The following TBC1D22B variants were observed in gnomAD, a reference collection of about 807,000 sequenced individuals.
TBC1D22B encodes the protein TBC1 domain family member 22B, also known as chromosome 6 open reading frame 197.
TBC1D22B carries 32 observed loss-of-function variants against 69.1 expected under a neutral mutation model. The ratio of observed to expected loss-of-function variants is 0.46; its 90% CI spans 0.35 to 0.62. The LOEUF is 0.62. Among genes scored for constraint, TBC1D22B ranks in the 20% least tolerant of loss-of-function variants. The probability of loss-of-function intolerance (pLI) is 0.00; values close to 1 mark genes in which losing one functional copy is unlikely to be tolerated. For synonymous variants in TBC1D22B, 206 were observed against 229.8 expected, an observed-to-expected ratio of 0.90 and a Z score of 0.94; for missense variants, 462 against 630.9, an observed-to-expected ratio of 0.73 and a Z score of 2.87.
chr6:37,305,812 G>A (rs1210600173), intron 8 of TBC1D22B, among the ~76,000 whole-genome samples: 1 of 152,160 alleles, frequency 6.6e-6, no homozygotes, highest in Non-Finnish European at 1.5e-5. Context: ...CAGCCACCGC[G>A]CCCGGTCAGT....
rs751520700 is a variant in TBC1D22B at position 37,284,381 on chromosome 6, C to T, written c.718C>T (p.Arg240Trp). 11 of 1,613,310 alleles carry T rather than the reference C, an allele frequency of 6.8e-6. No individual in the cohort carries two copies. The highest frequency in any genetic ancestry group is 1.1e-5 in the South Asian group (1 of 90,946). ...NTERRKLTLQ[R>W]KREEYFGFIE... is the part of the protein sequence containing the mutation. The stretch of plus-strand genomic sequence containing the variant: ...TGAGAGGAGGAAGTTGACCCTGCAG[C>T]GGAAGCGGGAGGAATATTTTGGCTT... Residue 240 changes from arginine to tryptophan, a missense_variant, in exon 6 of 13, where the codon CGG becomes TGG. Around this residue, in one of 2 missense-constraint regions of TBC1D22B, gnomAD observed 225 missense variants for 375.4 expected, o/e 0.60. Transcript: ENST00000373491.
At chr6:37,293,051 T>G (rs1767237179) in intron 8 of TBC1D22B, among the ~76,000 whole-genome samples, 1 of 151,882 alleles carries the variant, frequency 6.6e-6, no homozygotes, top group Admixed American at 6.6e-5. Context: ...CTCACAGTAT[T>G]TTTAACTTTT....
chr6:37,330,190 T>G (rs1768539728), intron 12 of TBC1D22B, among the ~76,000 whole-genome samples: 1 of 151,620 alleles, frequency 6.6e-6, no homozygotes, highest in Non-Finnish European at 1.5e-5. Flanking sequence ...ACCTTTTATC[T>G]TCTATAGATG....
chr6:37,288,182 T>A (rs573882681), intron 7 of TBC1D22B, among the ~76,000 whole-genome samples: 1 of 152,282 alleles, frequency 6.6e-6, no homozygotes, highest in East Asian at 1.9e-4. Flanking sequence ...ACTGGTGGGG[T>A]CCCTCATGTC....
rs142915803 is a variant in TBC1D22B at position 37,273,028 on chromosome 6, G to A, written c.113+3378G>A. On this transcript the variant is annotated intron_variant, in intron 2 of 12. Transcript: ENST00000373491. ...TGGCCAATCAAAGAAAGTCTCCTGG[G>A]GGAGGGTTCTTGGAAAGATTTTCTT... Among the ~76,000 whole-genome samples the A allele has an allele frequency of 5.9e-5, 9 of 152,230 alleles. No homozygotes were observed. The East Asian group carries it at 1.7e-3, about 29-fold the overall frequency.
At chr6:37,321,247 A>G (rs1474158472) in intron 12 of TBC1D22B, among the ~76,000 whole-genome samples, 1 of 151,828 alleles carries the variant, frequency 6.6e-6, no homozygotes, top group Non-Finnish European at 1.5e-5. Flanking sequence ...AGTGAGTGAT[A>G]GAGGCCTGGA....
At chr6:37,306,003 T>A (rs2113772149) in intron 8 of TBC1D22B, among the ~76,000 whole-genome samples, 1 of 152,224 alleles carries the variant, frequency 6.6e-6, no homozygotes, top group East Asian at 1.9e-4. Context: ...GCCTCCCATG[T>A]GATAGGCAGC....
At chr6:37,299,053 A>C (rs1767484140) in intron 8 of TBC1D22B, among the ~76,000 whole-genome samples, 1 of 152,248 alleles carries the variant, frequency 6.6e-6, no homozygotes. Flanking sequence ...AAATGTGTGG[A>C]TGCACTTTTC....
At chr6:37,277,094 G>A (rs1215762260) in intron 2 of TBC1D22B, among the ~76,000 whole-genome samples, 1 of 152,016 alleles carries the variant, frequency 6.6e-6, no homozygotes, top group Non-Finnish European at 1.5e-5. Flanking sequence ...GTCCTGGTGT[G>A]CGTGTGTGTC....
intron 10 of TBC1D22B, 98 bp downstream of exon 10, chr6:37,313,989 C>A: frequency 8.9e-7 from 1 of 1,119,940 alleles, no homozygotes; most frequent in Non-Finnish European, 1.4e-6. Context: ...GTCTTCCTAG[C>A]CATGACCCTT....
chr6:37,300,819 A>C (rs1402392830), intron 8 of TBC1D22B, among the ~76,000 whole-genome samples: 1 of 152,202 alleles, frequency 6.6e-6, no homozygotes, highest in East Asian at 1.9e-4. Flanking sequence ...TGATAAGAGC[A>C]CTTAACATGA....
intron 7 of TBC1D22B, among the ~76,000 whole-genome samples, chr6:37,288,202 G>A (rs1376613419): frequency 6.6e-6 from 1 of 152,116 alleles, no homozygotes; most frequent in African/African-American, 2.4e-5. Flanking sequence ...CTTACCCATA[G>A]CATAAAGAAG....
chr6:37,292,684 C>T (rs1425456181), intron 8 of TBC1D22B, among the ~76,000 whole-genome samples: 1 of 152,194 alleles, frequency 6.6e-6, no homozygotes, highest in Non-Finnish European at 1.5e-5. Context: ...TAAATGCTGT[C>T]ATGAAATCTT....
At chr6:37,261,688 A>G (rs1269385007) in intron 1 of TBC1D22B, among the ~76,000 whole-genome samples, 1 of 152,128 alleles carries the variant, frequency 6.6e-6, no homozygotes, top group Non-Finnish European at 1.5e-5. Context: ...CGATGATAGT[A>G]GCTATCATTT....
intron 12 of TBC1D22B, 144 bp from the exon 13 acceptor site, chr6:37,330,900 T>G: frequency 1.3e-6 from 1 of 794,338 alleles, no homozygotes; most frequent in Non-Finnish European, 2.1e-6. Flanking sequence ...CTGTGTACTG[T>G]TTGGGAGGAA....
intron 8 of TBC1D22B, among the ~76,000 whole-genome samples, chr6:37,296,835 G>T (rs200624853): frequency 2.8e-5 from 1 of 36,020 alleles, no homozygotes; most frequent in Admixed American, 3.5e-4. Flanking sequence ...ATAATTTTTT[G>T]GTTTTTTTTT....
At chr6:37,272,943 T>C (rs890117012) in intron 2 of TBC1D22B, among the ~76,000 whole-genome samples, 2 of 152,194 alleles carry the variant, frequency 1.3e-5, no homozygotes, top group African/African-American at 4.8e-5. Flanking sequence ...CTTAAACCTT[T>C]CATGATAATT....
rs1352040416 is a variant in TBC1D22B, at chr6:37,312,963, T to C, written c.1028T>C (p.Met343Thr). Reference sequence around the variant, plus strand: ...GACGTGACCAACTTGTCTCAAGACATGCTGCGAAGCATTGAGGCTGACAGC... The same window carrying C: ...GACGTGACCAACTTGTCTCAAGACACGCTGCGAAGCATTGAGGCTGACAGC... ...NFDVTNLSQDMLRSIEADSFW... is the reference protein window; with the variant it reads ...NFDVTNLSQDTLRSIEADSFW... Residue 343 changes from methionine (M) to threonine (T), a missense_variant, in exon 9 of 13, where the codon ATG becomes ACG. By Grantham distance (81) the Met-to-Thr change is moderately conservative (BLOSUM62 -1). Coordinates refer to ENST00000373491, the MANE Select transcript of TBC1D22B (RefSeq NM_017772.4). 5 of 1,614,232 alleles carry C rather than the reference T, an allele frequency of 3.1e-6. No individual in the cohort carries two copies. The highest frequency in any genetic ancestry group is 4.2e-6 in the Non-Finnish European group (5 of 1,180,032).
chr6:37,308,589 GT>G (rs1429204778), intron 8 of TBC1D22B, among the ~76,000 whole-genome samples: 1 of 152,166 alleles, frequency 6.6e-6, no homozygotes, highest in African/African-American at 2.4e-5. Flanking sequence ...TCAGCACCTT[GT>G]CTGTTGTTCC....
Sources: allele counts gnomAD v4.1 joint callset (sites outside exome capture counted in the v4.1 genomes callset), GRCh38; gene constraint gnomAD v4.1.1; regional missense constraint gnomAD v4.1.1; transcripts MANE v1.5; gene names NCBI Gene and HGNC (gene_info 2026-07-23, HGNC 2026-07-21).